PSG5: variants seen among roughly 807,000 people sequenced by gnomAD.
The protein encoded by PSG5 is pregnancy specific beta-1-glycoprotein 5, also known as pregnancy-specific beta-1-glycoprotein 5.
A neutral mutation model predicts 37.7 loss-of-function variants in PSG5; 53 were observed. The ratio of observed to expected loss-of-function variants is 1.41; its 90% CI spans 1.13 to 1.77. The LOEUF (loss-of-function observed/expected upper bound fraction) is 1.77, where lower values mean the gene tolerates loss of function less well. Among genes scored for constraint, PSG5 ranks in the 40% most tolerant of loss-of-function variants. The pLI is 0.00. For missense variants in PSG5, 547 were observed against 405.2 expected (o/e 1.35, Z -3.00); for synonymous variants, 221 against 155.4 (o/e 1.42, Z -3.14).
At chr19:43,175,667 A>T in intron 3 of PSG5, 198 bp from the exon 4 acceptor site, 1 of 1,388,584 alleles carries the variant, frequency 7.2e-7, no homozygotes, top group Non-Finnish European at 9.7e-7. Context: ...AAAGTCTCCC[A>T]TGACAAGAGC....
At position 43,186,386 on chromosome 19, in the gene PSG5, G is replaced by T. The variant is rs151287352; in HGVS notation, c.20C>A (p.Pro7His). 99 of 1,612,118 alleles carry T rather than the reference G, an allele frequency of 6.1e-5. 1 individual carries two copies. In the Middle Eastern group the frequency reaches 8.2e-4, roughly 13 times the overall value. ...CCAGGTGATGTGCTGTGTGCAGGGAGGGGCTGAGAGGGGCCCCATGGTCTC... is the reference window on the plus strand; with the variant it reads ...CCAGGTGATGTGCTGTGTGCAGGGATGGGCTGAGAGGGGCCCCATGGTCTC... Reference protein sequence around the residue: MGPLSAPPCTQHITWKG... With the variant: MGPLSAHPCTQHITWKG... The change falls in exon 1 of 6, where the codon CCT becomes CAT. Residue 7 changes from proline to histidine, a missense_variant. Coordinates refer to ENST00000342951, the MANE Select transcript of PSG5 (RefSeq NM_002781.4).
At chr19:43,175,521 G>T (rs1968990167) in intron 3 of PSG5, 52 bp from the exon 4 acceptor site, 3 of 1,560,524 alleles carry the variant, frequency 1.9e-6, no homozygotes, top group Admixed American at 1.8e-5. Context: ...GGAAGGGGAT[G>T]CTCCTGGTCT....
intron 2 of PSG5, among the ~76,000 whole-genome samples, chr19:43,179,507 G>C (rs568570999): frequency 6.6e-6 from 1 of 151,862 alleles, no homozygotes; most frequent in South Asian, 2.1e-4. Context: ...GGAGTATGCA[G>C]TGCTGGAATC....
chr19:43,175,643 C>A (rs1599747560), intron 3 of PSG5, 174 bp from the exon 4 acceptor site: 2 of 1,392,190 alleles, frequency 1.4e-6, no homozygotes, highest in Non-Finnish European at 1.9e-6. Context: ...TCTCCCATCA[C>A]AAGCTATTGA....
chr19:43,182,953 G>A (rs1204584329), intron 2 of PSG5, among the ~76,000 whole-genome samples: 1 of 150,052 alleles, frequency 6.7e-6, no homozygotes, highest in South Asian at 2.1e-4. Context: ...CCTGGGAGGT[G>A]GGCCAGGCCA....
chr19:43,169,712 A>G (rs544942492), intron 5 of PSG5, among the ~76,000 whole-genome samples: 3 of 151,730 alleles, frequency 2.0e-5, no homozygotes, highest in Non-Finnish European at 4.4e-5. Context: ...AAGTCAAGCA[A>G]TACTTTGAGA....
At chr19:43,174,090 G>A (rs1177574144) in intron 4 of PSG5, 1 of 151,586 alleles carries the variant, frequency 6.6e-6, no homozygotes, top group Non-Finnish European at 1.5e-5. Flanking sequence ...AAGATATTAT[G>A]CTAACTGAAA....
At chr19:43,176,409 G>A (rs1350781525) in intron 2 of PSG5, among the ~76,000 whole-genome samples, 1 of 151,646 alleles carries the variant, frequency 6.6e-6, no homozygotes, top group African/African-American at 2.4e-5. Context: ...AGACACATCA[G>A]TGGGAGTCAC....
At chr19:43,183,033 G>A (rs1290049763) in intron 2 of PSG5, among the ~76,000 whole-genome samples, 3 of 151,154 alleles carry the variant, frequency 2.0e-5, no homozygotes, top group African/African-American at 2.4e-5. Context: ...GCCTAGGGGT[G>A]GGGGAAGAAG....
At chr19:43,170,495 A>G in intron 4 of PSG5, 1 of 453,506 alleles carries the variant, frequency 2.2e-6, no homozygotes, top group Non-Finnish European at 4.3e-6. Context: ...GCAGCCATGA[A>G]TGAGACTCTG....
At chr19:43,181,093 T>C (rs11083694) in intron 2 of PSG5, among the ~76,000 whole-genome samples, 102,407 of 151,126 alleles carry the variant, frequency 0.68, 36,034 homozygotes, top group East Asian at 0.99. Flanking sequence ...TCCCCACACG[T>C]AGAACTCCAA....
intron 1 of PSG5, 47 bp downstream of exon 1, chr19:43,186,295 C>T (rs773559592): frequency 6.2e-7 from 1 of 1,610,256 alleles, no homozygotes; most frequent in Non-Finnish European, 8.5e-7. Context: ...CCAATCCAGT[C>T]ACTCTTCTTC....
In PSG5 at chr19:43,170,623, G is replaced by A. The variant is rs544673430; in HGVS notation, c.965-485C>T. 11 of 289,478 alleles carry A rather than the reference G, an allele frequency of 3.8e-5. No homozygotes were observed. In the South Asian group the frequency reaches 4.1e-4, roughly 11 times the overall value. 17.9% of individuals were successfully genotyped at this position (289,478 alleles called of 1,614,324 possible). Reference sequence around the variant, plus strand: ...ACAGGCTCCCAGGAAGGGCGTGAAAGCAAGCCTAGTTCTCTGAGGCTCTCT... The same window carrying A: ...ACAGGCTCCCAGGAAGGGCGTGAAAACAAGCCTAGTTCTCTGAGGCTCTCT... On this transcript the variant is annotated intron_variant, in intron 4 of 5. Coordinates refer to ENST00000342951, the MANE Select transcript of PSG5 (RefSeq NM_002781.4).
Position 43,183,248 on chromosome 19 carries a change from G to C in PSG5, c.430+1534C>G, listed in dbSNP as rs1284835863. ...TGGCCAAAGAGCTTCAGAGTTGCATGAGGTGGGGTGGCTTTAGGGGCAAGA... is the reference window on the plus strand; with the variant it reads ...TGGCCAAAGAGCTTCAGAGTTGCATCAGGTGGGGTGGCTTTAGGGGCAAGA... On this transcript the variant is annotated intron_variant, in intron 2 of 5. Coordinates refer to ENST00000342951, the MANE Select transcript of PSG5 (RefSeq NM_002781.4). The C allele has an allele frequency of 6.5e-5, 22 of 338,028 alleles. No homozygotes were observed. In the East Asian group the frequency reaches 1.9e-3, roughly 29 times the overall value. 20.9% of individuals were successfully genotyped at this position (338,028 alleles called of 1,614,324 possible). A position where few individuals can be genotyped will look rare whatever the true frequency, so the allele number is the denominator to read the frequency against.
chr19:43,185,707 A>G lies in PSG5; in HGVS notation c.65-560T>C, dbSNP rs1355563913. Among the ~76,000 whole-genome samples the G allele has an allele frequency of 2.0e-5, 3 of 151,680 alleles. 1 individual carries two copies. Among genetic ancestry groups the G allele is most frequent in the African/African-American group, 7.3e-5 (3 of 41,174 alleles). On this transcript the variant is annotated intron_variant, in intron 1 of 5. Coordinates refer to ENST00000342951, the MANE Select transcript of PSG5 (RefSeq NM_002781.4). ...CAGGCTGCAGACTCCTGCAGATGTG[A>G]GAGTTCTCAGGGCCCTCCACACCCT...
At position 43,185,041 on chromosome 19, in the gene PSG5, A is replaced by T; in HGVS notation, c.171T>A (p.Asn57Lys). The part of the protein sequence containing the change: ...EGKDVLLLVH[N>K]LPQNLAGYIW... ...TGTAGCCAGCAAGATTCTGAGGCAA[A>T]TTGTGGACAAGTAGAAGAACATCCT... is the stretch of plus-strand genomic sequence containing the variant. Residue 57 changes from asparagine (N) to lysine (K), a missense_variant, in exon 2 of 6, where the codon AAT becomes AAA. Asn to Lys is a moderately conservative substitution (Grantham distance 94). Transcript: ENST00000342951. The T allele has an allele frequency of 2.5e-6, 4 of 1,612,586 alleles. No individual in the cohort carries two copies. The highest frequency in any genetic ancestry group is 2.5e-6 in the Non-Finnish European group (3 of 1,179,198).
intron 2 of PSG5, 125 bp downstream of exon 2, chr19:43,184,657 A>G: frequency 6.5e-7 from 1 of 1,549,278 alleles, no homozygotes; most frequent in Non-Finnish European, 8.9e-7. Context: ...CTAAATGCCC[A>G]AACCGCAGCA....
intron 2 of PSG5, among the ~76,000 whole-genome samples, chr19:43,177,733 CAG>C (rs766301280): frequency 1.3e-5 from 2 of 151,364 alleles, no homozygotes; most frequent in Non-Finnish European, 1.5e-5. Flanking sequence ...AGATTTAAGA[CAG>C]AGTTTTCTAA....
Position 43,175,228 on chromosome 19 carries a change from T to C in PSG5, c.951A>G (p.Thr317=). ...GGATCCACTTACCAGAGACTTCGAC[T>C]GTCATGGATTTGGAGCTTTCCTTGC... is the stretch of plus-strand genomic sequence containing the variant. ...ATGKESSKSM[T]VEVSAPSGIG... The change falls in exon 4 of 6, where the codon ACA becomes ACG. Residue 317 remains threonine (T), a synonymous_variant. Coordinates refer to ENST00000342951, the MANE Select transcript of PSG5 (RefSeq NM_002781.4). 6.2e-7 allele frequency: 1 copy of C among 1,612,706 alleles called. No homozygotes were observed. The highest frequency in any genetic ancestry group is 1.7e-4 in the Middle Eastern group (1 of 6,036).
Sources: allele counts gnomAD v4.1 joint callset (sites outside exome capture counted in the v4.1 genomes callset), GRCh38; gene constraint gnomAD v4.1.1; transcripts MANE v1.5; gene names NCBI Gene and HGNC (gene_info 2026-07-23, HGNC 2026-07-21).